The following RIMS2 variants were observed in gnomAD, a reference collection of about 807,000 sequenced individuals.
RIMS2 encodes regulating synaptic membrane exocytosis protein 2.
In RIMS2, 59 loss-of-function variants were observed where a neutral mutation model predicts 174.4. The ratio of observed to expected loss-of-function variants is 0.34; its 90% CI spans 0.27 to 0.42. RIMS2 has a LOEUF of 0.42. Ranked by LOEUF, RIMS2 falls within the 10% of genes least tolerant of loss-of-function variation. RIMS2 has a pLI of 1.00. For missense variants in RIMS2, 1,620 were observed against 1,666.3 expected (o/e 0.97, Z 0.48); for synonymous variants, 606 against 572.5 (o/e 1.06, Z -0.84).
chr8:104,218,329 ACTTT>A (rs2099140311), intron 19 of RIMS2, among the ~76,000 whole-genome samples: 1 of 151,442 alleles, frequency 6.6e-6, no homozygotes, highest in South Asian at 2.1e-4. Flanking sequence ...TCCCAGAGGG[ACTTT>A]CTTTCTCTTC....
chr8:103,567,704 G>T (rs969466261), intron 1 of RIMS2, among the ~76,000 whole-genome samples: 1 of 152,126 alleles, frequency 6.6e-6, no homozygotes, highest in African/African-American at 2.4e-5. Context: ...TGGGTCATAT[G>T]GTAACTCTAG....
At chr8:103,708,572 G>T (rs2097262576) in intron 2 of RIMS2, among the ~76,000 whole-genome samples, 1 of 152,148 alleles carries the variant, frequency 6.6e-6, no homozygotes, top group South Asian at 2.1e-4. Flanking sequence ...GATCACAGGA[G>T]ATTCTCTTTC....
chr8:104,159,079 G>A (rs1240864670), intron 19 of RIMS2, among the ~76,000 whole-genome samples: 2 of 152,156 alleles, frequency 1.3e-5, no homozygotes, highest in Non-Finnish European at 2.9e-5. Flanking sequence ...TGTATAAGGT[G>A]TAAGGGAGGG....
chr8:103,896,248 G>T (rs1379223527), intron 4 of RIMS2, among the ~76,000 whole-genome samples: 1 of 151,416 alleles, frequency 6.6e-6, no homozygotes, highest in Non-Finnish European at 1.5e-5. Context: ...CAAAACCTTG[G>T]GTTTTCAGCT....
At chr8:103,786,381 C>A (rs527333229) in intron 3 of RIMS2, among the ~76,000 whole-genome samples, 2 of 151,896 alleles carry the variant, frequency 1.3e-5, no homozygotes, top group Admixed American at 6.6e-5. Context: ...AATTTTGGAT[C>A]TTTCCTGCTT....
At chr8:104,201,396 A>C (rs1288151440) in intron 19 of RIMS2, among the ~76,000 whole-genome samples, 1 of 152,242 alleles carries the variant, frequency 6.6e-6, no homozygotes. Flanking sequence ...TCTCAAAATA[A>C]GTTTTAAGTC....
At chr8:103,716,360 A>T (rs1167450356) in intron 2 of RIMS2, 40 bp downstream of exon 5, 2 of 151,508 alleles carry the variant, frequency 1.3e-5, no homozygotes, top group Non-Finnish European at 2.9e-5. Flanking sequence ...GTTTTTCCTT[A>T]TTGTTGTTAT....
At chr8:104,109,320 A>G (rs931712223) in intron 19 of RIMS2, among the ~76,000 whole-genome samples, 5 of 150,992 alleles carry the variant, frequency 3.3e-5, no homozygotes, top group African/African-American at 4.9e-5. Flanking sequence ...AAAAAAAAGA[A>G]ATAATGCTCT....
At position 104,187,161 on chromosome 8, in the gene RIMS2, T is replaced by G. The variant is rs138584903; in HGVS notation, c.3335-57755T>G. On this transcript the variant is annotated intron_variant, in intron 19 of 23. Transcript: ENST00000504942. Reference sequence around the variant, plus strand: ...ATGAGGTAATCTATGCAAAAGTCATTGTATGGTTCTTGCCTTTTCCTTCAT... The same window carrying G: ...ATGAGGTAATCTATGCAAAAGTCATGGTATGGTTCTTGCCTTTTCCTTCAT... Among the ~76,000 whole-genome samples the G allele has an allele frequency of 1.8e-3, 275 of 151,876 alleles. 1 individual carries two copies. The highest frequency in any genetic ancestry group is 6.2e-3 in the African/African-American group (256 of 41,484).
chr8:103,695,340 C>T (rs745932972), intron 1 of RIMS2, among the ~76,000 whole-genome samples: 18 of 152,164 alleles, frequency 1.2e-4, no homozygotes, highest in Non-Finnish European at 2.5e-4. Flanking sequence ...TTATGTCAGT[C>T]TCCATTGATT....
rs556282157 is a variant in RIMS2, at chr8:103,626,635, GCC to G, written c.177-70447_177-70446del. ...ATATTGATGTCTATCGGGGGAACCA[GCC>G]CCCAATATTTCCACGTAGGTTCTTT... On this transcript the variant is annotated intron_variant, in intron 1 of 23. Coordinates refer to ENST00000504942, the Ensembl canonical transcript of RIMS2. Among the ~76,000 whole-genome samples the G allele has an allele frequency of 3.5e-4, 54 of 152,308 alleles. No homozygotes were observed. In the South Asian group the frequency reaches 0.011, roughly 32 times the overall value.
chr8:104,143,140 A>C (rs934086114), intron 19 of RIMS2, among the ~76,000 whole-genome samples: 5 of 152,194 alleles, frequency 3.3e-5, no homozygotes, highest in Non-Finnish European at 7.3e-5. Flanking sequence ...ATCAGAGACT[A>C]TGTCATATCA....
chr8:103,906,588 T>C (rs891715139), intron 4 of RIMS2, among the ~76,000 whole-genome samples: 3 of 152,192 alleles, frequency 2.0e-5, no homozygotes, highest in Admixed American at 6.5e-5. Flanking sequence ...TTTGCTTTAG[T>C]TTCAAATGGT....
chr8:104,249,585 C>T, exon 22 of RIMS2: 1 of 1,559,064 alleles, frequency 6.4e-7, no homozygotes, highest in African/African-American at 1.4e-5. Flanking sequence ...CAAGACACTG[C>T]CAGGTAAAAA....
intron 3 of RIMS2, among the ~76,000 whole-genome samples, chr8:103,803,848 C>T (rs924936231): frequency 6.6e-6 from 1 of 152,088 alleles, no homozygotes; most frequent in African/African-American, 2.4e-5. Context: ...AAGTGAGGAC[C>T]TAAGTCTTTG....
chr8:103,854,555 T>G (rs1013636340), intron 3 of RIMS2, among the ~76,000 whole-genome samples: 9 of 145,332 alleles, frequency 6.2e-5, no homozygotes, highest in African/African-American at 1.8e-4. Flanking sequence ...TTGTTGAGGG[T>G]TTTTTTTTTT....
chr8:103,557,611 A>G (rs980402379), intron 1 of RIMS2, among the ~76,000 whole-genome samples: 4 of 152,222 alleles, frequency 2.6e-5, no homozygotes, highest in African/African-American at 9.6e-5. Context: ...TAAACCCTTG[A>G]TAATTTCTAC....
chr8:103,518,543 AAAG>A, intron 1 of RIMS2, among the ~76,000 whole-genome samples: 1 of 151,846 alleles, frequency 6.6e-6, no homozygotes, highest in Non-Finnish European at 1.5e-5. Context: ...TATTTGGAAA[AAAG>A]AAAATATATT....
chr8:104,240,996 G>C (rs1375535148), intron 19 of RIMS2, among the ~76,000 whole-genome samples: 20 of 151,946 alleles, frequency 1.3e-4, no homozygotes, highest in Admixed American at 1.3e-3. Flanking sequence ...TCACAGAGAG[G>C]GTATGTAACT....
Sources: allele counts gnomAD v4.1 joint callset (sites outside exome capture counted in the v4.1 genomes callset), GRCh38; gene constraint gnomAD v4.1.1; transcripts MANE v1.5; gene names NCBI Gene and HGNC (gene_info 2026-07-23, HGNC 2026-07-21).